The following LRP1B variants were observed in gnomAD, a reference collection of about 807,000 sequenced individuals.
LRP1B encodes the protein low-density lipoprotein receptor-related protein 1B.
In LRP1B, 217 loss-of-function variants were observed where a neutral mutation model predicts 556.6. The ratio of observed to expected loss-of-function variants is 0.39; its 90% confidence interval spans 0.35 to 0.44. LRP1B has a LOEUF of 0.44. Ranked by LOEUF, LRP1B falls within the 20% of genes least tolerant of loss-of-function variation. The probability of loss-of-function intolerance (pLI) is 1.00; values close to 1 mark genes in which losing one functional copy is unlikely to be tolerated. For synonymous variants in LRP1B, 2,047 were observed against 1,865.8 expected (o/e 1.10, Z -2.50); for missense variants, 5,053 against 5,620.8 (o/e 0.90, Z 3.23).
chr2:142,015,148 T>A (rs1322967361), intron 1 of LRP1B, among the ~76,000 whole-genome samples: 6 of 152,152 alleles, frequency 3.9e-5, no homozygotes, highest in South Asian at 2.1e-4. Context: ...GTCAACAGAA[T>A]TCCAAAGATA....
At chr2:141,071,022 T>C (rs1423455477) in intron 7 of LRP1B, among the ~76,000 whole-genome samples, 2 of 152,140 alleles carry the variant, frequency 1.3e-5, no homozygotes, top group African/African-American at 4.8e-5. Context: ...AGCATCGTCC[T>C]GATACCAAAG....
intron 2 of LRP1B, among the ~76,000 whole-genome samples, chr2:141,662,958 AT>A (rs569634679): frequency 4.0e-4 from 54 of 133,978 alleles, no homozygotes; most frequent in African/African-American, 1.1e-3. Flanking sequence ...TGCAAAAAAA[AT>A]AAATAAAAAA....
intron 8 of LRP1B, among the ~76,000 whole-genome samples, chr2:141,061,828 CTG>C (rs967876164): frequency 6.6e-6 from 1 of 151,622 alleles, no homozygotes; most frequent in Non-Finnish European, 1.5e-5. Flanking sequence ...CTTGTTTTCT[CTG>C]TTTTTAATAG....
At chr2:141,117,658 C>T (rs1030433721) in intron 7 of LRP1B, among the ~76,000 whole-genome samples, 2 of 151,914 alleles carry the variant, frequency 1.3e-5, no homozygotes, top group Non-Finnish European at 2.9e-5. Context: ...ATTTTAAAAT[C>T]TGAGTATTTG....
In LRP1B at chr2:140,350,934, G is replaced by A. The variant is rs975954500; in HGVS notation, c.11755C>T (p.His3919Tyr). 4 of 1,610,278 alleles carry A rather than the reference G, an allele frequency of 2.5e-6. No homozygotes were observed. Among genetic ancestry groups the A allele is most frequent in the Admixed American group, 1.7e-5 (1 of 59,858 alleles). ...TCCATCCCTGTTATTCTTGAATTAT[G>A]TTCAATATGAGAAATTTGTTGATGA... ...GDHQQISHIE[H>Y]NSRITGMDVY... The change falls in exon 77 of 91, where the codon CAT becomes TAT. Residue 3919 changes from histidine (H) to tyrosine (Y), a missense_variant. By Grantham distance (83) the His-to-Tyr change is moderately conservative (BLOSUM62 2). This residue lies in a region of LRP1B where 599 missense variants were observed against 648.4 expected (regional missense o/e 0.92). Transcript: ENST00000389484.
Position 142,115,654 on chromosome 2 carries a change from A to G in LRP1B, c.82+14994T>C, listed in dbSNP as rs1483584058. ...ATATTATATATGTAATATATATATT[A>G]TATGTAATATATATATGTAATATAT... On this transcript the variant is annotated intron_variant, in intron 1 of 90. Transcript: ENST00000389484. 4.9e-4 allele frequency among the ~76,000 whole-genome samples: 4 copies of G among 8,208 alleles called. 1 individual carries two copies. The highest frequency in any genetic ancestry group is 1.1e-3 in the African/African-American group (4 of 3,796). The allele number at this position is 8,208 out of a possible 152,430, so 5.4% of individuals were successfully genotyped here.
At chr2:141,537,069 G>C (rs546700780) in intron 2 of LRP1B, among the ~76,000 whole-genome samples, 1 of 152,096 alleles carries the variant, frequency 6.6e-6, no homozygotes, top group East Asian at 1.9e-4. Context: ...TGTTCCAAGA[G>C]TAAGAATTAC....
At chr2:140,541,172 A>T in intron 44 of LRP1B, 74 bp from the exon 45 acceptor site, 1 of 1,271,376 alleles carries the variant, frequency 7.9e-7, no homozygotes, top group Non-Finnish European at 1.1e-6. Flanking sequence ...ATTAATCGTA[A>T]ACTATTAGAC....
intron 2 of LRP1B, among the ~76,000 whole-genome samples, chr2:141,699,636 A>G (rs961649810): frequency 6.6e-6 from 1 of 151,514 alleles, no homozygotes; most frequent in African/African-American, 2.4e-5. Context: ...ATGCTTCTGT[A>G]TGGTGGCATA....
At chr2:140,532,871 G>T (rs1690762625) in intron 47 of LRP1B, among the ~76,000 whole-genome samples, 1 of 129,766 alleles carries the variant, frequency 7.7e-6, no homozygotes, top group Non-Finnish European at 1.7e-5. Flanking sequence ...GAGGATACTT[G>T]CAAGCCAAAA....
intron 83 of LRP1B, among the ~76,000 whole-genome samples, chr2:140,301,001 CT>C (rs769981340): frequency 6.6e-6 from 1 of 151,978 alleles, no homozygotes; most frequent in Non-Finnish European, 1.5e-5. Flanking sequence ...CATTCTGAAA[CT>C]TTTATTAAAT....
At chr2:140,506,400 T>C (rs1285850569) in intron 53 of LRP1B, among the ~76,000 whole-genome samples, 1 of 151,774 alleles carries the variant, frequency 6.6e-6, no homozygotes, top group African/African-American at 2.4e-5. Flanking sequence ...ATGGCCACCA[T>C]GCCTGACGAA....
chr2:142,115,838 TGTAATATATATATATAC>T lies in LRP1B; in HGVS notation c.82+14793_82+14809del. Among the ~76,000 whole-genome samples the T allele has an allele frequency of 7.1e-4, 4 of 5,628 alleles. 1 individual carries two copies. Among genetic ancestry groups the T allele is most frequent in the Non-Finnish European group, 8.4e-4 (2 of 2,394 alleles). 3.7% of individuals were successfully genotyped at this position (5,628 alleles called of 152,430 possible). On this transcript the variant is annotated intron_variant, in intron 1 of 90. Transcript: ENST00000389484. ...ATATATGTAATATATATCATATATATGTAATATATATATATACATATATATATATATGGGGGAAGTGA... is the reference window on the plus strand; with the variant it reads ...ATATATGTAATATATATCATATATATATATATATATATATGGGGGAAGTGA...
At chr2:141,034,822 A>G (rs1381617941) in intron 11 of LRP1B, among the ~76,000 whole-genome samples, 2 of 149,870 alleles carry the variant, frequency 1.3e-5, no homozygotes, top group African/African-American at 2.5e-5. Flanking sequence ...ATCTAGAAGT[A>G]GAAACACCAT....
At chr2:140,879,367 C>G (rs1693403735) in intron 25 of LRP1B, among the ~76,000 whole-genome samples, 1 of 152,072 alleles carries the variant, frequency 6.6e-6, no homozygotes, top group South Asian at 2.1e-4. Context: ...CTTTGATTCA[C>G]TAAAATAAGT....
intron 43 of LRP1B, among the ~76,000 whole-genome samples, chr2:140,566,896 C>T (rs1681147607): frequency 1.3e-5 from 2 of 152,222 alleles, no homozygotes; most frequent in African/African-American, 4.8e-5. Flanking sequence ...AATACTTAAG[C>T]TGAAGGGATG....
At chr2:141,868,877 A>G (rs1698494721) in intron 1 of LRP1B, among the ~76,000 whole-genome samples, 1 of 152,154 alleles carries the variant, frequency 6.6e-6, no homozygotes. Flanking sequence ...AGGCTCATTT[A>G]CAAAGTAATC....
At chr2:140,529,447 A>T (rs1027135143) in intron 47 of LRP1B, among the ~76,000 whole-genome samples, 1 of 150,488 alleles carries the variant, frequency 6.6e-6, no homozygotes, top group African/African-American at 2.5e-5. Context: ...GGGGGGAAGC[A>T]TTAAGTTTGC....
At chr2:141,348,593 C>A (rs1688337173) in intron 3 of LRP1B, among the ~76,000 whole-genome samples, 1 of 151,920 alleles carries the variant, frequency 6.6e-6, no homozygotes, top group Admixed American at 6.6e-5. Context: ...TTACATTTCC[C>A]TATCTTGTTT....
Sources: allele counts gnomAD v4.1 joint callset (sites outside exome capture counted in the v4.1 genomes callset), GRCh38; gene constraint gnomAD v4.1.1; regional missense constraint gnomAD v4.1.1; transcripts MANE v1.5; gene names NCBI Gene and HGNC (gene_info 2026-07-23, HGNC 2026-07-21).